Variants in FNDC5 observed in about 807,000 individuals in gnomAD.
The protein encoded by FNDC5 is fibronectin type III domain containing 5, also known as fibronectin type III domain-containing protein 5.
A neutral mutation model predicts 24.6 loss-of-function variants in FNDC5; 10 were observed. That is an observed-to-expected ratio of 0.41 (90% CI 0.25 to 0.69). The LOEUF (loss-of-function observed/expected upper bound fraction) is 0.69. Among genes scored for constraint, FNDC5 ranks in the 30% least tolerant of loss-of-function variants. The pLI, the probability that FNDC5 is intolerant of heterozygous loss-of-function variation, is 0.34. For synonymous variants in FNDC5, 90 were observed against 110.7 expected, an observed-to-expected ratio of 0.81 and a Z score of 1.18; for missense variants, 226 against 282.9, an observed-to-expected ratio of 0.80 and a Z score of 1.44.
chr1:32,870,740 G>T lies in FNDC5; in HGVS notation c.7C>A (p.Pro3Thr). The T allele has an allele frequency of 1.7e-6, 2 of 1,151,322 alleles. No individual in the cohort carries two copies. Among genetic ancestry groups the T allele is most frequent in the African/African-American group, 1.6e-5 (1 of 61,110 alleles). The allele number at this position is 1,151,322 out of a possible 1,614,324, so 71.3% of individuals were successfully genotyped here. A position where few individuals can be genotyped will look rare whatever the true frequency, so the allele number is the denominator to read the frequency against. ...GGCGGCCAGGCGCTCGGCGACCCGG[G>T]GTGTATGGTGGCTCCTCCGGCCGGC... Residue 3 changes from proline (P) to threonine (T), a missense_variant, in exon 1 of 6, where the codon CCC becomes ACC. Transcript: ENST00000373471.
In FNDC5 at chr1:32,862,489, A is replaced by G. The variant is rs1640985852; in HGVS notation, c.*1805T>C. 1 of 152,616 alleles carries G rather than the reference A, an allele frequency of 6.6e-6. No homozygotes were observed. Among genetic ancestry groups the G allele is most frequent in the Non-Finnish European group, 1.5e-5 (1 of 68,036 alleles). The allele number at this position is 152,616 out of a possible 1,614,324, so 9.5% of individuals were successfully genotyped here. Reference sequence around the variant, plus strand: ...CCTGTCTCTCCTCCCCAGTGCTGTCACACTTGGGCAAAGCAGAGTGGTGGC... The same window carrying G: ...CCTGTCTCTCCTCCCCAGTGCTGTCGCACTTGGGCAAAGCAGAGTGGTGGC... On this transcript the variant is annotated 3_prime_UTR_variant, in exon 6 of 6. Transcript: ENST00000373471.
chr1:32,864,623 AG>A, intron 5 of FNDC5, 40 bp downstream of exon 5: 1 of 1,612,862 alleles, frequency 6.2e-7, no homozygotes, highest in Non-Finnish European at 8.5e-7. Flanking sequence ...CCAGAGCATG[AG>A]GCACAGGGTG....
Position 32,864,802 on chromosome 1 carries a change from G to T in FNDC5, c.500-5C>A. 1.2e-6 allele frequency: 2 copies of T among 1,613,828 alleles called. No individual in the cohort carries two copies. The highest frequency in any genetic ancestry group is 2.2e-5 in the South Asian group (2 of 91,058). On this transcript the variant is annotated splice_polypyrimidine_tract_variant and splice_region_variant and intron_variant, in intron 4 of 5. Coordinates refer to ENST00000373471, the MANE Select transcript of FNDC5 (RefSeq NM_153756.3). ...GGCAGAAGAGGGCAATGACACCTGA[G>T]GGGGGACAAGTGAGCAGTCAGAGGC...
rs991758033 is a variant in FNDC5 at position 32,870,859 on chromosome 1, GGCCGCCCTGC to G, written c.-123_-114del. On this transcript the variant is annotated 5_prime_UTR_variant, in exon 1 of 6. Transcript: ENST00000373471. ...CCGGCCCGGCCGGCCCGGCCGCTCC[GGCCGCCCTGC>G]GCCGCCCCGAGCCGCCTGCATGTCG... is the stretch of plus-strand genomic sequence containing the variant. The G allele has an allele frequency of 1.1e-5, 2 of 186,870 alleles. No homozygotes were observed. The highest frequency in any genetic ancestry group is 1.9e-5 in the Non-Finnish European group (2 of 104,756). The allele number at this position is 186,870 out of a possible 1,614,324, so 11.6% of individuals were successfully genotyped here.
Position 32,863,902 on chromosome 1 carries a change from T to A in FNDC5, c.*392A>T. On this transcript the variant is annotated 3_prime_UTR_variant, in exon 6 of 6. Coordinates refer to ENST00000373471, the MANE Select transcript of FNDC5 (RefSeq NM_153756.3). Reference sequence around the variant, plus strand: ...CTGTAGCCTAAATAAGCCAAGCTCTTGTCCCTTGTGGAAAGAAAAGAGAAG... The same window carrying A: ...CTGTAGCCTAAATAAGCCAAGCTCTAGTCCCTTGTGGAAAGAAAAGAGAAG... The A allele has an allele frequency of 7.8e-7, 1 of 1,286,126 alleles. No individual in the cohort carries two copies. The highest frequency in any genetic ancestry group is 1.0e-6 in the Non-Finnish European group (1 of 984,804). The allele number at this position is 1,286,126 out of a possible 1,614,324, so 79.7% of individuals were successfully genotyped here.
rs770432237 is a variant in FNDC5, at chr1:32,867,744, C to G, written c.499+9G>C. ...GAGGGAAGAAGAAGGTCTCGGAGGC[C>G]AGACTCACCTGCCCACATGAACAGG... On this transcript the variant is annotated intron_variant, in intron 4 of 5. Transcript: ENST00000373471. 6.2e-7 allele frequency: 1 copy of G among 1,612,890 alleles called. No homozygotes were observed. The highest frequency in any genetic ancestry group is 1.1e-5 in the South Asian group (1 of 91,034).
In FNDC5 at chr1:32,867,825, C is replaced by CT. The variant is rs1345861020; in HGVS notation, c.426dup (p.Glu143ArgfsTer35). The CT allele has an allele frequency of 6.2e-7, 1 of 1,613,978 alleles. No individual in the cohort carries two copies. The highest frequency in any genetic ancestry group is 1.3e-5 in the African/African-American group (1 of 74,888). ...CGCAGCTGTTGGTTCCTCCCCATCT[C>CT]TTTCATGGTTACCTCATCTGCAGGG... On this transcript the variant is annotated frameshift_variant, in exon 4 of 6. Transcript: ENST00000373471. LOFTEE classifies it high-confidence loss of function.
At chr1:32,866,079 C>T (rs1431250471) in intron 4 of FNDC5, among the ~76,000 whole-genome samples, 1 of 152,140 alleles carries the variant, frequency 6.6e-6, no homozygotes, top group Non-Finnish European at 1.5e-5. Context: ...AGTCTGTTGA[C>T]TTCCAAACAT....
At position 32,868,974 on chromosome 1, in the gene FNDC5, C is replaced by G. The variant is rs904804099; in HGVS notation, c.118G>C (p.Val40Leu). Residue 40 changes from valine to leucine, a missense_variant, in exon 2 of 6, where the codon GTC becomes CTC. Val to Leu is a conservative substitution (Grantham distance 32, BLOSUM62 1). Coordinates refer to ENST00000373471, the MANE Select transcript of FNDC5 (RefSeq NM_153756.3). The surrounding 1 kb of genome is among the most constrained non-coding windows in gnomAD (Gnocchi z 4.8). ...TTGGCCTTGAGGTGCCTGACGGTGACGTTCACTGGGGCTGAGGGACTGTCT... is the reference window on the plus strand; with the variant it reads ...TTGGCCTTGAGGTGCCTGACGGTGAGGTTCACTGGGGCTGAGGGACTGTCT... 8.1e-7 allele frequency: 1 copy of G among 1,234,198 alleles called. No individual in the cohort carries two copies. Among genetic ancestry groups the G allele is most frequent in the South Asian group, 4.1e-5 (1 of 24,434 alleles). 76.5% of individuals were successfully genotyped at this position (1,234,198 alleles called of 1,614,324 possible).
At chr1:32,871,884 A>ATTT (rs1641190769), upstream of FNDC5, among the ~76,000 whole-genome samples, 1 of 152,200 alleles carries the variant, frequency 6.6e-6, no homozygotes, top group Non-Finnish European at 1.5e-5. Context: ...CCAGAGAAAC[A>ATTT]AGGTGGAGGA....
Position 32,868,038 on chromosome 1 carries a change from C to A in FNDC5, c.409+152G>T. 9.4e-7 allele frequency: 1 copy of A among 1,059,472 alleles called. No individual in the cohort carries two copies. The allele number at this position is 1,059,472 out of a possible 1,614,324, so 65.6% of individuals were successfully genotyped here. A position where few individuals can be genotyped will look rare whatever the true frequency, so the allele number is the denominator to read the frequency against. ...GGAGTTTATATGCTCAGCGTCTTGT[C>A]AGGGACTAGCGTGAACCCTCTCTCA... On this transcript the variant is annotated intron_variant, in intron 3 of 5. Coordinates refer to ENST00000373471, the MANE Select transcript of FNDC5 (RefSeq NM_153756.3). The surrounding 1 kb of genome is among the most constrained non-coding windows in gnomAD (Gnocchi z 4.8).
intron 4 of FNDC5, among the ~76,000 whole-genome samples, chr1:32,866,242 CTCT>C (rs1641068550): frequency 6.6e-6 from 1 of 152,162 alleles, no homozygotes; most frequent in Non-Finnish European, 1.5e-5. Flanking sequence ...AGCAAACCTC[CTCT>C]TTTGTACAAC....
At chr1:32,864,511 C>G (rs1017772293) in intron 5 of FNDC5, 153 bp downstream of exon 5, 566 of 1,506,998 alleles carry the variant, frequency 3.8e-4, no homozygotes, top group Non-Finnish European at 4.7e-4. Context: ...CCAAAATCAA[C>G]TTGCAGTGTC....
Position 32,863,549 on chromosome 1 carries a change from ATT to A in FNDC5, c.*743_*744del. The A allele has an allele frequency of 2.1e-6, 1 of 483,812 alleles. No homozygotes were observed. Among genetic ancestry groups the A allele is most frequent in the South Asian group, 2.1e-5 (1 of 47,798 alleles). 30.0% of individuals were successfully genotyped at this position (483,812 alleles called of 1,614,324 possible). The stretch of plus-strand genomic sequence containing the variant: ...GCCAGGCCTTTTAGTTTTGTGGCTT[ATT>A]TTTATTTTTTTGCAGAATTTGGGTT... On this transcript the variant is annotated 3_prime_UTR_variant, in exon 6 of 6. Transcript: ENST00000373471.
Position 32,864,104 on chromosome 1 carries a change from G to T in FNDC5, c.*190C>A. The T allele has an allele frequency of 6.6e-7, 1 of 1,506,846 alleles. No homozygotes were observed. Among genetic ancestry groups the T allele is most frequent in the Non-Finnish European group, 8.9e-7 (1 of 1,129,244 alleles). 93.3% of individuals were successfully genotyped at this position (1,506,846 alleles called of 1,614,324 possible). A position where few individuals can be genotyped will look rare whatever the true frequency, so the allele number is the denominator to read the frequency against. On this transcript the variant is annotated 3_prime_UTR_variant, in exon 6 of 6. Coordinates refer to ENST00000373471, the MANE Select transcript of FNDC5 (RefSeq NM_153756.3). ...ATTGTTGAGGTGCTTCTGGAGATGG[G>T]AGTTAATAAGAGGCTTCAGGAAAGT...
At chr1:32,864,461 A>C (rs1328159251) in intron 5 of FNDC5, 162 bp from the exon 6 acceptor site, 72 of 1,470,858 alleles carry the variant, frequency 4.9e-5, no homozygotes, top group Non-Finnish European at 6.0e-5. Context: ...TTTTTCTTCA[A>C]ATCACCACTG....
At position 32,870,774 on chromosome 1, in the gene FNDC5, G is replaced by GGCGGCGCAGGGGGAC; in HGVS notation, c.-43_-29dup. On this transcript the variant is annotated 5_prime_UTR_variant, in exon 1 of 6. Transcript: ENST00000373471. ...TGGCTCCTCCGGCCGGCAGGCCCGGGGCGGCGCAGGGGGACGCGGCTCCGG... is the reference window on the plus strand; with the variant it reads ...TGGCTCCTCCGGCCGGCAGGCCCGGGGCGGCGCAGGGGGACGCGGCGCAGGGGGACGCGGCTCCGG... The GGCGGCGCAGGGGGAC allele has an allele frequency of 1.0e-6, 1 of 990,882 alleles. No homozygotes were observed. Among genetic ancestry groups the GGCGGCGCAGGGGGAC allele is most frequent in the Non-Finnish European group, 1.2e-6 (1 of 824,626 alleles). 61.4% of individuals were successfully genotyped at this position (990,882 alleles called of 1,614,324 possible).
chr1:32,863,479 G>C lies in FNDC5; in HGVS notation c.*815C>G, dbSNP rs1641001505. 1 of 335,340 alleles carries C rather than the reference G, an allele frequency of 3.0e-6. No individual in the cohort carries two copies. The highest frequency in any genetic ancestry group is 2.5e-5 in the South Asian group (1 of 40,042). The allele number at this position is 335,340 out of a possible 1,614,324, so 20.8% of individuals were successfully genotyped here. A position where few individuals can be genotyped will look rare whatever the true frequency, so the allele number is the denominator to read the frequency against. ...GAAGCCAGTCCAGGAGAGGCGAGGA[G>C]GCAGAAGGCTGTGTCTCATGCAGCT... On this transcript the variant is annotated 3_prime_UTR_variant, in exon 6 of 6. Coordinates refer to ENST00000373471, the MANE Select transcript of FNDC5 (RefSeq NM_153756.3).
chr1:32,863,768 G>C lies in FNDC5; in HGVS notation c.*526C>G. 2 of 1,304,672 alleles carry C rather than the reference G, an allele frequency of 1.5e-6. No individual in the cohort carries two copies. The highest frequency in any genetic ancestry group is 2.0e-6 in the Non-Finnish European group (2 of 989,074). The allele number at this position is 1,304,672 out of a possible 1,614,324, so 80.8% of individuals were successfully genotyped here. A position where few individuals can be genotyped will look rare whatever the true frequency, so the allele number is the denominator to read the frequency against. ...CTTCAATGATGTTCACTGAGGGCTT[G>C]TTTGGAAACTGGGAGGAAAAAAATG... On this transcript the variant is annotated 3_prime_UTR_variant, in exon 6 of 6. Coordinates refer to ENST00000373471, the MANE Select transcript of FNDC5 (RefSeq NM_153756.3).
Sources: gnomAD v4.1 joint callset for allele counts (sites outside exome capture counted in the v4.1 genomes callset) on GRCh38, gnomAD v4.1.1 for gene constraint, Gnocchi (gnomAD v3.1) non-coding constraint, MANE v1.5 for transcripts, NCBI Gene and HGNC (gene_info 2026-07-23, HGNC 2026-07-21) for gene names.